JARID2: variants seen among roughly 807,000 people sequenced by gnomAD.
JARID2 encodes the protein jumonji and AT-rich interaction domain containing 2.
A neutral mutation model predicts 125.6 loss-of-function variants in JARID2; 21 were observed. The observed-to-expected ratio is 0.17, with a 90% CI of 0.12 to 0.24. The LOEUF is 0.24. Ranked by LOEUF, JARID2 falls within the 10% of genes least tolerant of loss-of-function variation. JARID2 has a pLI of 1.00. For synonymous variants in JARID2, 736 were observed against 661.6 expected (o/e 1.11, Z -1.73); for missense variants, 1,303 against 1,639.6 (o/e 0.79, Z 3.55).
chr6:15,476,703 G>A (rs986320274), intron 5 of JARID2, among the ~76,000 whole-genome samples: 7 of 152,148 alleles, frequency 4.6e-5, no homozygotes, highest in African/African-American at 1.7e-4. Flanking sequence ...TAGCACATCA[G>A]AGTTTCCAAA....
intron 4 of JARID2, among the ~76,000 whole-genome samples, chr6:15,457,817 T>C (rs748334337): frequency 3.9e-5 from 6 of 152,140 alleles, no homozygotes; most frequent in Non-Finnish European, 8.8e-5. Flanking sequence ...TTAGTATAGA[T>C]ATGTAAACAC....
chr6:15,456,878 C>CTTTTTTTTTTTTTTTTTTTTTTTTT (rs71535043), intron 4 of JARID2, among the ~76,000 whole-genome samples: 4 of 95,676 alleles, frequency 4.2e-5, no homozygotes, highest in African/African-American at 1.6e-4. Context: ...GGATGTTAAG[C>CTTTTTTTTTTTTTTTTTTTTTTTTT]TTTTTTTTTT....
At chr6:15,366,512 G>T (rs865888750) in intron 1 of JARID2, among the ~76,000 whole-genome samples, 3 of 135,468 alleles carry the variant, frequency 2.2e-5, no homozygotes, top group Admixed American at 7.2e-5. Flanking sequence ...TGGGGGGCGG[G>T]GGGGGCGGGG....
chr6:15,511,171 T>A, intron 12 of JARID2, 125 bp from the exon 13 acceptor site: 1 of 712,208 alleles, frequency 1.4e-6, no homozygotes. Context: ...CAGTGCGCCA[T>A]CCCTGCCGGC....
chr6:15,254,291 T>C (rs1446185286), intron 1 of JARID2, among the ~76,000 whole-genome samples: 1 of 152,212 alleles, frequency 6.6e-6, no homozygotes, highest in Non-Finnish European at 1.5e-5. Flanking sequence ...CAGTGTGGGC[T>C]GCAGTTCTCC....
chr6:15,363,396 G>T (rs1430863575), intron 1 of JARID2, among the ~76,000 whole-genome samples: 32 of 152,172 alleles, frequency 2.1e-4, no homozygotes, highest in Admixed American at 6.5e-5. Flanking sequence ...GCTCAAGTTT[G>T]CCACCATTGC....
Position 15,347,758 on chromosome 6 carries a change from C to T in JARID2, c.46-26359C>T, listed in dbSNP as rs79522361. On this transcript the variant is annotated intron_variant, in intron 1 of 17. Coordinates refer to ENST00000341776, the MANE Select transcript of JARID2 (RefSeq NM_004973.4). ...TTTCAGAGCGGATCTCGCTCTGTCA[C>T]GCAAGCTGGAGTGCAGTGGCGCTAT... Among the ~76,000 whole-genome samples the T allele has an allele frequency of 2.0e-3, 299 of 152,240 alleles. 2 individuals carry two copies. In the East Asian group the frequency reaches 0.028, roughly 14 times the overall value.
chr6:15,442,888 T>A (rs1581571200), intron 3 of JARID2, among the ~76,000 whole-genome samples: 1 of 152,200 alleles, frequency 6.6e-6, no homozygotes, highest in African/African-American at 2.4e-5. Context: ...AATAATTTTA[T>A]TAATTGAATA....
intron 9 of JARID2, 73 bp from the exon 10 acceptor site, chr6:15,507,063 T>C: frequency 1.1e-6 from 1 of 911,946 alleles, no homozygotes; most frequent in South Asian, 1.3e-5. Flanking sequence ...TGTCCCAGTT[T>C]TGTTGGGTTG....
At chr6:15,502,315 G>A (rs953403856) in intron 8 of JARID2, among the ~76,000 whole-genome samples, 11 of 152,240 alleles carry the variant, frequency 7.2e-5, no homozygotes, top group African/African-American at 1.9e-4. Flanking sequence ...CGGGGCACCC[G>A]GGGCCCAGCT....
chr6:15,360,807 GTCTT>G (rs755558263), intron 1 of JARID2, among the ~76,000 whole-genome samples: 11 of 152,014 alleles, frequency 7.2e-5, no homozygotes, highest in East Asian at 1.9e-4. Context: ...GCCCAACCTA[GTCTT>G]TCTTTTTTAA....
chr6:15,463,799 A>G (rs1561880098), intron 4 of JARID2, among the ~76,000 whole-genome samples: 2 of 152,104 alleles, frequency 1.3e-5, no homozygotes, highest in African/African-American at 2.4e-5. Flanking sequence ...TAATTACGTA[A>G]TGCATCCATT....
chr6:15,318,541 A>T (rs1762251814), intron 1 of JARID2, among the ~76,000 whole-genome samples: 1 of 152,188 alleles, frequency 6.6e-6, no homozygotes, highest in Admixed American at 6.5e-5. Flanking sequence ...GCAGCCCCAC[A>T]ACTGTGCAGT....
At chr6:15,336,437 A>G (rs1377696133) in intron 1 of JARID2, among the ~76,000 whole-genome samples, 3 of 152,150 alleles carry the variant, frequency 2.0e-5, no homozygotes, top group Admixed American at 6.5e-5. Flanking sequence ...TTGCTAACTT[A>G]GTTAGAGCTG....
intron 1 of JARID2, among the ~76,000 whole-genome samples, chr6:15,353,979 G>C (rs1460429226): frequency 1.3e-5 from 2 of 152,186 alleles, no homozygotes; most frequent in Non-Finnish European, 2.9e-5. Context: ...AGTCCCCTCT[G>C]TGCCAGCACA....
At chr6:15,329,924 A>G (rs952181024) in intron 1 of JARID2, among the ~76,000 whole-genome samples, 1 of 152,230 alleles carries the variant, frequency 6.6e-6, no homozygotes, top group Admixed American at 6.5e-5. Flanking sequence ...CATACAGCTC[A>G]GAGCTCAACA....
At chr6:15,428,820 C>T (rs1057439185) in intron 3 of JARID2, among the ~76,000 whole-genome samples, 2 of 151,400 alleles carry the variant, frequency 1.3e-5, no homozygotes, top group Non-Finnish European at 2.9e-5. Context: ...GCAGGAGAAT[C>T]GCTGGAACCC....
chr6:15,325,112 C>G (rs544266458), intron 1 of JARID2, among the ~76,000 whole-genome samples: 40 of 152,154 alleles, frequency 2.6e-4, no homozygotes, highest in African/African-American at 9.6e-4. Flanking sequence ...AATTTAGTCA[C>G]CACCTTTACT....
At chr6:15,400,734 A>G (rs932563840) in intron 2 of JARID2, 3 of 913,852 alleles carry the variant, frequency 3.3e-6, no homozygotes, top group East Asian at 1.2e-4. Flanking sequence ...TCCCTTGCAC[A>G]TAAATAACCT....
Sources: gnomAD v4.1 joint callset for allele counts (sites outside exome capture counted in the v4.1 genomes callset) on GRCh38, gnomAD v4.1.1 for gene constraint, MANE v1.5 for transcripts, NCBI Gene and HGNC (gene_info 2026-07-23, HGNC 2026-07-21) for gene names.